Variants in SF1 observed in about 807,000 individuals in gnomAD.
SF1 encodes branch point-binding protein.
SF1 carries 7 observed loss-of-function variants against 62.5 expected under a neutral mutation model. The observed-to-expected ratio is 0.11, with a 90% CI of 0.06 to 0.21. SF1 has a LOEUF of 0.21. Among genes scored for constraint, SF1 ranks in the 10% least tolerant of loss-of-function variants. The probability of loss-of-function intolerance (pLI) is 1.00; values close to 1 mark genes in which losing one functional copy is unlikely to be tolerated. For synonymous variants in SF1, 394 were observed against 323.6 expected (o/e 1.22, Z -2.33); for missense variants, 578 against 884.0 (o/e 0.65, Z 4.39).
At chr11:64,774,506 A>AT (rs1325907348) in intron 2 of SF1, among the ~76,000 whole-genome samples, 1 of 152,216 alleles carries the variant, frequency 6.6e-6, no homozygotes, top group Non-Finnish European at 1.5e-5. Flanking sequence ...GGCATCTCCA[A>AT]TAAGGGCAAA....
chr11:64,764,663 T>TA lies in SF1; in HGVS notation c.*1154_*1155insT, dbSNP rs1418265802. 2.0e-5 allele frequency: 3 copies of TA among 152,590 alleles called. No homozygotes were observed. The highest frequency in any genetic ancestry group is 7.2e-5 in the African/African-American group (3 of 41,446). 9.5% of individuals were successfully genotyped at this position (152,590 alleles called of 1,614,324 possible). On this transcript the variant is annotated 3_prime_UTR_variant, in exon 13 of 13. Transcript: ENST00000377390. ...GAACATCCCCGCTTTAGCGCAGTGT[T>TA]GAATCTAACACCGAAAAAAGCCCAG... is the stretch of plus-strand genomic sequence containing the variant.
chr11:64,772,410 A>G (rs1302108562), intron 3 of SF1: 8 of 985,114 alleles, frequency 8.1e-6, no homozygotes, highest in African/African-American at 7.0e-5. Context: ...TAGCAAATGT[A>G]GTAAGTCAAA....
intron 3 of SF1, chr11:64,772,493 A>G: frequency 2.0e-6 from 2 of 984,948 alleles, no homozygotes; most frequent in Non-Finnish European, 2.4e-6. Context: ...TGCATGAGTG[A>G]GTGACTTCTA....
Position 64,767,787 on chromosome 11 carries a change from T to A in SF1, c.1126A>T (p.Ser376Cys). The change falls in exon 10 of 13, where the codon AGT becomes TGT. Residue 376 changes from serine to cysteine, a missense_variant. By Grantham distance (112) the Ser-to-Cys change is moderately radical (BLOSUM62 -1). Transcript: ENST00000377390. ...CCATGCATGCCGTGGTAGGGCCGACTCTCTGAAGGGCCAGAATTCATCCAG... is the reference window on the plus strand; with the variant it reads ...CCATGCATGCCGTGGTAGGGCCGACACTCTGAAGGGCCAGAATTCATCCAG... ...PPWMNSGPSESRPYHGMHGGG... is the reference protein window; with the variant it reads ...PPWMNSGPSECRPYHGMHGGG... 1 of 1,613,732 alleles carries A rather than the reference T, an allele frequency of 6.2e-7. No individual in the cohort carries two copies. The highest frequency in any genetic ancestry group is 1.1e-5 in the South Asian group (1 of 91,040).
At chr11:64,773,585 A>G in intron 2 of SF1, 80 bp from the exon 3 acceptor site, 2 of 1,481,372 alleles carry the variant, frequency 1.4e-6, no homozygotes, top group South Asian at 2.5e-5. Context: ...AATCTCAACA[A>G]CAAGCATGAA....
At chr11:64,768,870 T>C in intron 8 of SF1, 152 bp downstream of exon 8, 2 of 673,108 alleles carry the variant, frequency 3.0e-6, no homozygotes, top group East Asian at 2.6e-5. Flanking sequence ...AGCCTATTTC[T>C]AATCATCCTG....
At chr11:64,776,771 A>G in intron 1 of SF1, 145 bp from the exon 2 acceptor site, 1 of 730,424 alleles carries the variant, frequency 1.4e-6, no homozygotes, top group Non-Finnish European at 2.2e-6. Context: ...AAAAACAGAA[A>G]ACAAACCTCA....
chr11:64,766,294 G>GGGGGGGGGGGGGGGGGGGGGGGGGGGGGC, intron 12 of SF1, 139 bp from the exon 13 acceptor site: 2 of 85,182 alleles, frequency 2.3e-5, no homozygotes, highest in South Asian at 4.8e-4. Context: ...GGTGGGCGGG[G>GGGGGGGGGGGGGGGGGGGGGGGGGGGGGC]CTGGTGATGG....
intron 3 of SF1, chr11:64,772,347 A>C (rs1321690067): frequency 1.0e-6 from 1 of 983,948 alleles, no homozygotes; most frequent in Non-Finnish European, 1.2e-6. Flanking sequence ...ATCTTCAAAA[A>C]GAAACGAAAC....
At chr11:64,768,081 C>T (rs1321875692) in intron 9 of SF1, 25 bp downstream of exon 9, 1 of 1,595,020 alleles carries the variant, frequency 6.3e-7, no homozygotes, top group Non-Finnish European at 8.5e-7. Flanking sequence ...GAAGCCAGAC[C>T]AAGAGAGCCA....
chr11:64,769,935 C>T (rs771169802), intron 5 of SF1, 29 bp downstream of exon 5: 1 of 1,527,790 alleles, frequency 6.5e-7, no homozygotes, highest in Admixed American at 1.7e-5. Flanking sequence ...TAAAGGAATT[C>T]TATATCCTAT....
intron 5 of SF1, 51 bp downstream of exon 5, chr11:64,769,913 T>C: frequency 7.2e-7 from 1 of 1,381,750 alleles, no homozygotes; most frequent in Non-Finnish European, 1.0e-6. Flanking sequence ...AACGGACACA[T>C]CTCACAGGCT....
rs1215128211 is a variant in SF1, at chr11:64,768,125, G to C, written c.1049C>G (p.Ala350Gly). 6.2e-7 allele frequency: 1 copy of C among 1,611,426 alleles called. No individual in the cohort carries two copies. The highest frequency in any genetic ancestry group is 8.5e-7 in the Non-Finnish European group (1 of 1,178,676). The change falls in exon 9 of 13, where the codon GCC (alanine) becomes GGC (glycine). Residue 350 changes from alanine (A) to glycine (G), a missense_variant. This residue lies in a region of SF1 where 410 missense variants were observed against 452.4 expected (regional missense o/e 0.91). Transcript: ENST00000377390. ...LASAPRPAAP[A>G]NNPPPPSLMS... ...GCTCACCGGTGGAGGTGGGTTGTTG[G>C]CGGGAGCAGCAGGACGAGGTGCGCT...
chr11:64,775,526 G>A (rs530437494), intron 2 of SF1, among the ~76,000 whole-genome samples: 5 of 152,146 alleles, frequency 3.3e-5, no homozygotes, highest in African/African-American at 9.7e-5. Context: ...AAAATTCTCA[G>A]CAGTCTAAAA....
rs2058598410 is a variant in SF1 at position 64,765,683 on chromosome 11, G to A, written c.*135C>T. 12 of 1,469,706 alleles carry A rather than the reference G, an allele frequency of 8.2e-6. No homozygotes were observed. The highest frequency in any genetic ancestry group is 2.7e-5 in the Admixed American group (1 of 36,686). 91.0% of individuals were successfully genotyped at this position (1,469,706 alleles called of 1,614,324 possible). A position where few individuals can be genotyped will look rare whatever the true frequency, so the allele number is the denominator to read the frequency against. On this transcript the variant is annotated 3_prime_UTR_variant, in exon 13 of 13. Transcript: ENST00000377390. ...TCAGTCGCTTGGCCCAGCCCAGTGC[G>A]TGCACACACACACATGCGTGCACAC...
intron 4 of SF1, 29 bp from the exon 5 acceptor site, chr11:64,770,082 C>G (rs1033090911): frequency 6.3e-7 from 1 of 1,596,822 alleles, no homozygotes; most frequent in East Asian, 2.2e-5. Context: ...TGTCACCGCA[C>G]ATTTCTGGAG....
chr11:64,773,362 C>T, intron 3 of SF1, 68 bp downstream of exon 3: 9 of 1,576,630 alleles, frequency 5.7e-6, no homozygotes, highest in Non-Finnish European at 6.9e-6. Flanking sequence ...CAATATGTTG[C>T]CACCAGTAAA....
Position 64,767,964 on chromosome 11 carries a change from C to G in SF1, c.1069-120G>C. On this transcript the variant is annotated intron_variant, in intron 9 of 12. Transcript: ENST00000377390. ...AAGGTCTTCCCGAAGTGAGAAGTCC[C>G]CAAACTGGCCTGAGATCCCGGAAGA... The G allele has an allele frequency of 2.7e-6, 4 of 1,464,900 alleles. No homozygotes were observed. In the East Asian group the frequency reaches 7.0e-5, roughly 26 times the overall value. The allele number at this position is 1,464,900 out of a possible 1,614,324, so 90.7% of individuals were successfully genotyped here.
In SF1 at chr11:64,778,352, C is replaced by T. The variant is rs752663997; in HGVS notation, c.31+10G>A. 1.4e-5 allele frequency: 17 copies of T among 1,226,184 alleles called. No homozygotes were observed. Among genetic ancestry groups the T allele is most frequent in the Non-Finnish European group, 6.1e-6 (6 of 983,726 alleles). The allele number at this position is 1,226,184 out of a possible 1,614,324, so 76.0% of individuals were successfully genotyped here. On this transcript the variant is annotated intron_variant, in intron 1 of 12. Transcript: ENST00000377390. ...GGGGAGCGGGGGCAGCCCGGGGGGG[C>T]CCAGCTTACCCAACGGCGTGGCGTT...
Sources: gnomAD v4.1 joint callset for allele counts (sites outside exome capture counted in the v4.1 genomes callset) on GRCh38, gnomAD v4.1.1 for gene constraint, gnomAD v4.1.1 regional missense constraint, MANE v1.5 for transcripts, NCBI Gene and HGNC (gene_info 2026-07-23, HGNC 2026-07-21) for gene names.